CEP295: variants seen among roughly 807,000 people sequenced by gnomAD.
CEP295 encodes centrosomal protein 295, also known as centrosomal protein of 295 kDa.
In CEP295, 190 loss-of-function variants were observed where a neutral mutation model predicts 291.6. That is an observed-to-expected ratio of 0.65 (90% CI 0.58 to 0.73). CEP295 has a LOEUF of 0.73. Among genes scored for constraint, CEP295 ranks in the 30% least tolerant of loss-of-function variants. The pLI is 0.00. For synonymous variants in CEP295, 993 were observed against 1,038.8 expected (o/e 0.96, Z 0.85); for missense variants, 2,863 against 2,949.4 (o/e 0.97, Z 0.68).
At chr11:93,678,981 C>T (rs547999752) in intron 6 of CEP295, among the ~76,000 whole-genome samples, 11 of 152,204 alleles carry the variant, frequency 7.2e-5, no homozygotes, top group South Asian at 6.2e-4. Context: ...CTCAGCCTCA[C>T]GAGTAGCTGG....
At chr11:93,676,207 T>G (rs2134879997) in intron 6 of CEP295, among the ~76,000 whole-genome samples, 1 of 152,152 alleles carries the variant, frequency 6.6e-6, no homozygotes, top group South Asian at 2.1e-4. Context: ...ATATATAAAT[T>G]CCTGAAAGAG....
At position 93,706,355 on chromosome 11, in the gene CEP295, T is replaced by C. The variant is rs142178372; in HGVS notation, c.5597-390T>C. Among the ~76,000 whole-genome samples the C allele has an allele frequency of 7.3e-4, 111 of 152,336 alleles. 1 individual carries two copies. In the East Asian group the frequency reaches 0.021, roughly 29 times the overall value. On this transcript the variant is annotated intron_variant, in intron 17 of 29. Transcript: ENST00000325212. ...AGAAGTGGAACATTAGAGAACCCAG[T>C]AAACACTTCTCTTTTACCTTCCCAG...
chr11:93,710,878 A>C (rs1431161244), intron 18 of CEP295, among the ~76,000 whole-genome samples: 2 of 152,198 alleles, frequency 1.3e-5, no homozygotes, highest in Non-Finnish European at 2.9e-5. Flanking sequence ...CATTTCTTCT[A>C]GTTTTCCAAT....
chr11:93,676,107 A>C (rs187638768), intron 6 of CEP295, among the ~76,000 whole-genome samples: 108 of 152,174 alleles, frequency 7.1e-4, no homozygotes, highest in African/African-American at 2.4e-3. Flanking sequence ...TTAATATTTC[A>C]TGGTAGCATT....
At chr11:93,715,473 T>C (rs1346423046) in intron 18 of CEP295, among the ~76,000 whole-genome samples, 3 of 152,150 alleles carry the variant, frequency 2.0e-5, no homozygotes, top group African/African-American at 2.4e-5. Flanking sequence ...CACTTGGTGC[T>C]ATTCCCCACT....
chr11:93,688,961 G>A (rs1459121458), intron 10 of CEP295, among the ~76,000 whole-genome samples: 1 of 152,194 alleles, frequency 6.6e-6, no homozygotes, highest in Non-Finnish European at 1.5e-5. Context: ...CCTTGCTCAA[G>A]CCAAAAAGCT....
At chr11:93,672,728 G>T (rs1950510717) in intron 5 of CEP295, among the ~76,000 whole-genome samples, 1 of 152,170 alleles carries the variant, frequency 6.6e-6, no homozygotes, top group Non-Finnish European at 1.5e-5. Context: ...TAGAACACAG[G>T]AAGTAAATTA....
At chr11:93,668,996 T>C (rs1419951639) in intron 4 of CEP295, 64 bp downstream of exon 4, 2 of 780,438 alleles carry the variant, frequency 2.6e-6, no homozygotes, top group African/African-American at 1.7e-5. Context: ...AGAGGATACA[T>C]AGGATACTGT....
Position 93,697,777 on chromosome 11 carries a change from G to A in CEP295, c.2865G>A (p.Glu955=). 6.4e-7 allele frequency: 1 copy of A among 1,551,736 alleles called. No homozygotes were observed. Among genetic ancestry groups the A allele is most frequent in the Non-Finnish European group, 8.7e-7 (1 of 1,147,000 alleles). ...SQQNNFKFLQ[E]QLNIQKDSLQ... ...AAAATAATTTTAAATTTCTCCAAGA[G>A]CAGTTGAATATTCAGAAGGATAGCC... The change falls in exon 15 of 30, where the codon GAG becomes GAA. Residue 955 remains glutamate, a synonymous_variant. Transcript: ENST00000325212.
At chr11:93,715,394 C>G (rs185504476) in intron 18 of CEP295, among the ~76,000 whole-genome samples, 5 of 152,218 alleles carry the variant, frequency 3.3e-5, no homozygotes, top group Admixed American at 6.5e-5. Flanking sequence ...GCTTCCTCCT[C>G]TCTGACCCAG....
Position 93,701,641 on chromosome 11 carries a change from G to A in CEP295, c.5275-819G>A, listed in dbSNP as rs1399003942. Among the ~76,000 whole-genome samples the A allele has an allele frequency of 3.3e-5, 5 of 152,192 alleles. No homozygotes were observed. In the East Asian group the frequency reaches 5.8e-4, roughly 18 times the overall value. On this transcript the variant is annotated intron_variant, in intron 15 of 29. Coordinates refer to ENST00000325212, the MANE Select transcript of CEP295 (RefSeq NM_033395.2). Reference sequence around the variant, plus strand: ...TGTTTTTGAGACGGAGTCTTGCTCTGTCACCAGGCTGGAGTGCCGTGACGT... The same window carrying A: ...TGTTTTTGAGACGGAGTCTTGCTCTATCACCAGGCTGGAGTGCCGTGACGT...
At position 93,683,761 on chromosome 11, in the gene CEP295, GGC is replaced by G. The variant is rs1951087663; in HGVS notation, c.949+20_949+21del. 1 of 1,518,144 alleles carries G rather than the reference GGC, an allele frequency of 6.6e-7. No homozygotes were observed. The highest frequency in any genetic ancestry group is 2.5e-5 in the East Asian group (1 of 40,804). The allele number at this position is 1,518,144 out of a possible 1,614,324, so 94.0% of individuals were successfully genotyped here. ...GACAGGAGTAAGATATTTTCAGTAGGGCTTTCAATAGTGATTTTATACGTTTT... is the reference window on the plus strand; with the variant it reads ...GACAGGAGTAAGATATTTTCAGTAGGTTTCAATAGTGATTTTATACGTTTT... On this transcript the variant is annotated intron_variant, in intron 8 of 29. Transcript: ENST00000325212.
Position 93,683,524 on chromosome 11 carries a change from G to A in CEP295, c.766-35G>A. 3 of 1,437,878 alleles carry A rather than the reference G, an allele frequency of 2.1e-6. No individual in the cohort carries two copies. In the South Asian group the frequency reaches 4.3e-5, roughly 21 times the overall value. The allele number at this position is 1,437,878 out of a possible 1,614,324, so 89.1% of individuals were successfully genotyped here. ...GTTAATATTACCATACAAAGTTTGT[G>A]ACTCAGTTTTTGTTAATTCTCTTTA... On this transcript the variant is annotated intron_variant, in intron 7 of 29. Transcript: ENST00000325212.
intron 7 of CEP295, among the ~76,000 whole-genome samples, chr11:93,681,656 C>T (rs559449322): frequency 9.9e-5 from 15 of 151,874 alleles, no homozygotes; most frequent in Admixed American, 2.0e-4. Flanking sequence ...CCTCATGATC[C>T]GCCTGCCTCA....
In CEP295 at chr11:93,697,818, A is replaced by T; in HGVS notation, c.2906A>T (p.Glu969Val). 1.3e-6 allele frequency: 2 copies of T among 1,551,752 alleles called. No homozygotes were observed. The highest frequency in any genetic ancestry group is 1.7e-6 in the Non-Finnish European group (2 of 1,146,976). Reference sequence around the variant, plus strand: ...AAGGATAGCCTTCAGGCTAGGCGAGAAGCCCAGGAAGTATTGTATGTACAT... The same window carrying T: ...AAGGATAGCCTTCAGGCTAGGCGAGTAGCCCAGGAAGTATTGTATGTACAT... ...IQKDSLQARR[E>V]AQEVLYVHKQ... is the part of the protein sequence containing the mutation. Residue 969 changes from glutamate to valine, a missense_variant, in exon 15 of 30, where the codon GAA becomes GTA. Transcript: ENST00000325212.
intron 5 of CEP295, among the ~76,000 whole-genome samples, chr11:93,672,875 A>G (rs993957942): frequency 1.3e-5 from 2 of 152,316 alleles, no homozygotes; most frequent in Middle Eastern, 3.4e-3. Flanking sequence ...TCAAATCCCA[A>G]TTTTGGGAGG....
At chr11:93,686,046 C>T (rs1026500391) in intron 9 of CEP295, among the ~76,000 whole-genome samples, 5 of 147,950 alleles carry the variant, frequency 3.4e-5, no homozygotes, top group East Asian at 4.5e-4. Context: ...CAGCCAGGTG[C>T]GGTGACTCAT....
intron 1 of CEP295, among the ~76,000 whole-genome samples, chr11:93,666,200 A>C (rs896115197): frequency 1.3e-5 from 2 of 152,192 alleles, no homozygotes; most frequent in Non-Finnish European, 2.9e-5. Context: ...TCTAAGTGTG[A>C]ATTTATAATT....
intron 24 of CEP295, chr11:93,728,467 T>C: frequency 4.6e-6 from 2 of 435,618 alleles, no homozygotes; most frequent in Non-Finnish European, 8.1e-6. Flanking sequence ...TTTCATCCCC[T>C]CCCCAAAGTA....
Sources: gnomAD v4.1 joint callset for allele counts (sites outside exome capture counted in the v4.1 genomes callset) on GRCh38, gnomAD v4.1.1 for gene constraint, MANE v1.5 for transcripts, NCBI Gene and HGNC (gene_info 2026-07-23, HGNC 2026-07-21) for gene names.